The following GPRC6A variants were observed in gnomAD, a reference collection of about 807,000 sequenced individuals.
GPRC6A encodes G protein-coupled receptor class C group 6 member A.
In GPRC6A, 54 loss-of-function variants were observed where a neutral mutation model predicts 47.0. The ratio of observed to expected loss-of-function variants is 1.15; its 90% CI spans 0.92 to 1.44. The LOEUF is 1.44. Among genes scored for constraint, GPRC6A ranks in the 40% most tolerant of loss-of-function variants. The probability of loss-of-function intolerance (pLI) is 0.00; values close to 1 mark genes in which losing one functional copy is unlikely to be tolerated. For missense variants in GPRC6A, 1,112 were observed against 1,105.5 expected, an observed-to-expected ratio of 1.01 and a Z score of -0.08; for synonymous variants, 347 against 377.1, an observed-to-expected ratio of 0.92 and a Z score of 0.93.
chr6:116,798,207 A>T (rs1228602992), intron 4 of GPRC6A, among the ~76,000 whole-genome samples: 2 of 142,380 alleles, frequency 1.4e-5, no homozygotes, highest in Non-Finnish European at 3.0e-5. Context: ...AGTGAATAAG[A>T]ACTACTAGGT....
chr6:116,800,643 G>A lies in GPRC6A; in HGVS notation c.1489C>T (p.Gln497Ter), dbSNP rs775406239. ...TCTGGGATGATGAAGACATCATTCT[G>A]TAGGTCATATTCTGCCATCTTAGTG... Reference protein sequence around the residue: ...TVTKMAEYDLQNDVFIIPDQE... With the variant: ...TVTKMAEYDL The change falls in exon 4 of 6, where the codon CAG becomes TAG. Residue 497 changes from glutamine to a stop codon, truncating the protein, a stop_gained. Transcript: ENST00000310357. LOFTEE classifies it high-confidence loss of function. The A allele has an allele frequency of 1.2e-6, 2 of 1,613,538 alleles. No individual in the cohort carries two copies. The highest frequency in any genetic ancestry group is 1.7e-6 in the Non-Finnish European group (2 of 1,179,608).
intron 1 of GPRC6A, among the ~76,000 whole-genome samples, chr6:116,823,280 C>A (rs544160364): frequency 1.3e-5 from 2 of 152,238 alleles, no homozygotes; most frequent in East Asian, 3.9e-4. Context: ...TTAGAAATTT[C>A]TTCTGCCAGA....
chr6:116,808,524 C>T (rs1772925534), intron 2 of GPRC6A, among the ~76,000 whole-genome samples: 1 of 151,996 alleles, frequency 6.6e-6, no homozygotes, highest in South Asian at 2.1e-4. Flanking sequence ...TAATGGAATG[C>T]TAATAGTCTT....
intron 4 of GPRC6A, 93 bp from the exon 5 acceptor site, chr6:116,795,928 C>T (rs2114578712): frequency 1.3e-6 from 1 of 779,486 alleles, no homozygotes; most frequent in Non-Finnish European, 1.9e-6. Flanking sequence ...GATATATTTA[C>T]TAAATACTAT....
chr6:116,795,904 C>T (rs557272345), intron 4 of GPRC6A, 69 bp from the exon 5 acceptor site: 52 of 1,034,246 alleles, frequency 5.0e-5, no homozygotes, highest in South Asian at 3.4e-4. Context: ...CGATTATCCT[C>T]GGCTTAACTT....
intron 1 of GPRC6A, among the ~76,000 whole-genome samples, chr6:116,824,668 G>A (rs139527413): frequency 8.7e-4 from 133 of 152,020 alleles, no homozygotes; most frequent in African/African-American, 3.0e-3. Context: ...AATATATAAA[G>A]AAGAAATAAT....
Position 116,806,376 on chromosome 6 carries a change from T to C in GPRC6A, c.1329A>G (p.Pro443=). 1.3e-6 allele frequency: 2 copies of C among 1,598,326 alleles called. No individual in the cohort carries two copies. Among genetic ancestry groups the C allele is most frequent in the Non-Finnish European group, 1.7e-6 (2 of 1,168,036 alleles). The part of the protein sequence containing the change: ...RDCQNPNAFQ[P]WELLGVLKNV... ...TGGATGTGTGAGTTAGTACCTCCCA[T>C]GGTTGAAAGGCGTTGGGGTTCTGAC... The change falls in exon 3 of 6, where the codon CCA becomes CCG. Residue 443 remains proline (P), a synonymous_variant. Coordinates refer to ENST00000310357, the MANE Select transcript of GPRC6A (RefSeq NM_148963.4).
Position 116,792,980 on chromosome 6 carries a change from C to T in GPRC6A, c.1943G>A (p.Ser648Asn), listed in dbSNP as rs750466970. ...GTCTTGTGGTTCTCCAATGAAAAAG[C>T]TCGTGCTGGCAAAATTGAGGAAATG... Reference protein sequence around the residue: ...LCHFLNFASTSFFIGEPQDFT... With the variant: ...LCHFLNFASTNFFIGEPQDFT... Residue 648 changes from serine (S) to asparagine (N), a missense_variant, in exon 6 of 6, where the codon AGC becomes AAC. Transcript: ENST00000310357. 10 of 1,613,946 alleles carry T rather than the reference C, an allele frequency of 6.2e-6. No homozygotes were observed. Among genetic ancestry groups the T allele is most frequent in the Non-Finnish European group, 8.5e-6 (10 of 1,179,984 alleles).
At position 116,806,986 on chromosome 6, in the gene GPRC6A, G is replaced by T; in HGVS notation, c.719C>A (p.Ala240Asp). 1 of 1,613,392 alleles carries T rather than the reference G, an allele frequency of 6.2e-7. No individual in the cohort carries two copies. Among genetic ancestry groups the T allele is most frequent in the Non-Finnish European group, 8.5e-7 (1 of 1,179,528 alleles). Residue 240 changes from alanine (A) to aspartate (D), a missense_variant, in exon 3 of 6, where the codon GCC becomes GAC. By Grantham distance (126) the Ala-to-Asp change is moderately radical (BLOSUM62 -2). Transcript: ENST00000310357. ...IQAEANNVCI[A>D]FKEVLPAFLS... ...AAAGGCTGGAAGAACCTCTTTGAAG[G>T]CTATGCACACGTTATTTGCTTCAGC...
intron 4 of GPRC6A, among the ~76,000 whole-genome samples, chr6:116,799,053 C>T (rs80013075): frequency 0.016 from 2,463 of 151,904 alleles, 73 homozygotes; most frequent in African/African-American, 0.056. Context: ...GGAGTGTGAC[C>T]GAAAGAGAGG....
chr6:116,804,789 G>A (rs987309839), intron 3 of GPRC6A, among the ~76,000 whole-genome samples: 1 of 151,918 alleles, frequency 6.6e-6, no homozygotes, highest in Non-Finnish European at 1.5e-5. Flanking sequence ...ATCTTCAGGG[G>A]GTGAATAACT....
Position 116,795,723 on chromosome 6 carries a change from G to T in GPRC6A, c.1661C>A (p.Thr554Asn). ...GTGACTGTGATTACCTGTCTGATTAGTGTAATGATTTTCAGGACAGTTCTG... is the reference window on the plus strand; with the variant it reads ...GTGACTGTGATTACCTGTCTGATTATTGTAATGATTTTCAGGACAGTTCTG... ...ECQNCPENHY[T>N]NQTDMPHCLL... Residue 554 changes from threonine to asparagine, a missense_variant, in exon 5 of 6, where the codon ACT becomes AAT. Transcript: ENST00000310357. The T allele has an allele frequency of 1.2e-6, 2 of 1,610,098 alleles. No individual in the cohort carries two copies. The highest frequency in any genetic ancestry group is 4.5e-5 in the East Asian group (2 of 44,762).
Position 116,800,571 on chromosome 6 carries a change from A to G in GPRC6A, c.1548+13T>C. On this transcript the variant is annotated intron_variant, in intron 4 of 5. Coordinates refer to ENST00000310357, the MANE Select transcript of GPRC6A (RefSeq NM_148963.4). ...TGCTTTGAGTGCTACAAAACGGCCT[A>G]CAACAAGGTTACCTTAAGATTCCTG... The G allele has an allele frequency of 6.3e-7, 1 of 1,592,066 alleles. No homozygotes were observed. The highest frequency in any genetic ancestry group is 8.6e-7 in the Non-Finnish European group (1 of 1,160,208).
chr6:116,799,062 G>A (rs1002299628), intron 4 of GPRC6A, among the ~76,000 whole-genome samples: 2 of 152,060 alleles, frequency 1.3e-5, no homozygotes, highest in African/African-American at 4.8e-5. Flanking sequence ...CCGAAAGAGA[G>A]GTGACAAGAA....
At position 116,801,888 on chromosome 6, in the gene GPRC6A, A is replaced by G. The variant is rs373786306; in HGVS notation, c.1336-1092T>C. On this transcript the variant is annotated intron_variant, in intron 3 of 5. Transcript: ENST00000310357. ...TCACTAACAAAATTTTATTCTAGCA[A>G]TTGCCTGGAAGAAAAAAAAGAGGAG... Among the ~76,000 whole-genome samples the G allele has an allele frequency of 1.8e-4, 28 of 152,246 alleles. No homozygotes were observed. In the South Asian group the frequency reaches 5.8e-3, roughly 32 times the overall value.
intron 2 of GPRC6A, among the ~76,000 whole-genome samples, chr6:116,808,376 C>T (rs562156195): frequency 3.8e-4 from 58 of 152,216 alleles, no homozygotes; most frequent in African/African-American, 1.3e-3. Context: ...GCTTTCCTTA[C>T]GTATCACCTA....
chr6:116,800,468 G>A (rs1772635320), intron 4 of GPRC6A, 116 bp downstream of exon 4: 1 of 569,448 alleles, frequency 1.8e-6, no homozygotes, highest in East Asian at 3.9e-5. Context: ...GCAGAAACTT[G>A]ATTAACAGGG....
At chr6:116,818,733 G>A (rs1773341673) in intron 1 of GPRC6A, among the ~76,000 whole-genome samples, 2 of 151,064 alleles carry the variant, frequency 1.3e-5, no homozygotes, top group East Asian at 3.9e-4. Context: ...GGAACAATGG[G>A]TACCAGCCGC....
At chr6:116,818,532 TAAAAAAAAAAAAAAA>T (rs35974500) in intron 1 of GPRC6A, among the ~76,000 whole-genome samples, 26 of 15,506 alleles carry the variant, frequency 1.7e-3, no homozygotes, top group Non-Finnish European at 2.7e-3. Flanking sequence ...AGACTCCGTC[TAAAAAAAAAAAAAAA>T]AAAAAAAAAA....
Sources: gnomAD v4.1 joint callset for allele counts (sites outside exome capture counted in the v4.1 genomes callset) on GRCh38, gnomAD v4.1.1 for gene constraint, MANE v1.5 for transcripts, NCBI Gene and HGNC (gene_info 2026-07-23, HGNC 2026-07-21) for gene names.